Variants in MED19 observed in about 807,000 individuals in gnomAD.
MED19 encodes mediator complex subunit 19.
Under a neutral mutation model 19.9 loss-of-function variants are expected in MED19, and 4 were observed. The observed-to-expected ratio is 0.20, with a 90% CI of 0.10 to 0.46. The LOEUF (loss-of-function observed/expected upper bound fraction) is 0.46. Among genes scored for constraint, MED19 ranks in the 20% least tolerant of loss-of-function variants. MED19 has a pLI of 0.99. For missense variants in MED19, 303 were observed against 318.7 expected (o/e 0.95, Z 0.38); for synonymous variants, 139 against 119.6 (o/e 1.16, Z -1.06).
intron 1 of MED19, among the ~76,000 whole-genome samples, chr11:57,708,003 T>C (rs1454720009): frequency 4.6e-5 from 7 of 151,904 alleles, no homozygotes; most frequent in Non-Finnish European, 1.0e-4. Flanking sequence ...AGGCTAATTT[T>C]TGTATTTTTT....
exon 1 of MED19, chr11:57,712,020 CAGG>C (rs1445951182): frequency 1.3e-6 from 2 of 1,534,980 alleles, no homozygotes; most frequent in Non-Finnish European, 8.8e-7. Context: ...TTGTCCGCGC[CAGG>C]AGGAGCCGTG....
At chr11:57,706,002 T>TTC (rs1565203872) in intron 1 of MED19, among the ~76,000 whole-genome samples, 1 of 152,058 alleles carries the variant, frequency 6.6e-6, no homozygotes, top group Non-Finnish European at 1.5e-5. Flanking sequence ...GGACTTTTTT[T>TTC]TTTTTTTACT....
At chr11:57,703,831 C>T in exon 5 of MED19, 1 of 619,508 alleles carries the variant, frequency 1.6e-6, no homozygotes, top group Non-Finnish European at 2.5e-6. Flanking sequence ...AAGAGATGTC[C>T]ATGAGAAAAC....
chr11:57,705,662 A>C (rs1203512570), intron 1 of MED19, among the ~76,000 whole-genome samples: 1 of 151,982 alleles, frequency 6.6e-6, no homozygotes, highest in Admixed American at 6.6e-5. Context: ...AAAAAAAAAA[A>C]AAAAAACAGC....
intron 3 of MED19, 45 bp downstream of exon 3, chr11:57,704,674 T>TTA (rs1565203315): frequency 7.4e-7 from 1 of 1,357,456 alleles, no homozygotes; most frequent in East Asian, 2.8e-5. Flanking sequence ...GTCAGGTTTT[T>TTA]TTTTTTTTTT....
At chr11:57,711,831 C>CACTGTTAG in intron 1 of MED19, 132 bp downstream of exon 1, 1 of 1,005,304 alleles carries the variant, frequency 9.9e-7, no homozygotes, top group Non-Finnish European at 1.3e-6. Flanking sequence ...ACAGCGCTTC[C>CACTGTTAG]GACTTAGGGC....
At chr11:57,703,720 A>T in exon 5 of MED19, 1 of 273,836 alleles carries the variant, frequency 3.7e-6, no homozygotes, top group Non-Finnish European at 6.8e-6. Flanking sequence ...CCAGTTTGAT[A>T]AATGTAATTT....
chr11:57,711,488 G>A (rs1382041691), intron 1 of MED19, among the ~76,000 whole-genome samples: 2 of 152,152 alleles, frequency 1.3e-5, no homozygotes, highest in Non-Finnish European at 2.9e-5. Flanking sequence ...CGAGTAGCTG[G>A]AATTAAAGGT....
At chr11:57,704,179 C>G in intron 4 of MED19, 73 bp from the exon 5 acceptor site, 1 of 1,529,464 alleles carries the variant, frequency 6.5e-7, no homozygotes, top group South Asian at 1.2e-5. Context: ...ACAGGAGAAA[C>G]CTGCAACCTG....
Position 57,707,847 on chromosome 11 carries a change from T to A in MED19, c.218-2618A>T, listed in dbSNP as rs1240712191. 3.3e-5 allele frequency among the ~76,000 whole-genome samples: 5 copies of A among 152,214 alleles called. No individual in the cohort carries two copies. In the East Asian group the frequency reaches 9.6e-4, roughly 29 times the overall value. On this transcript the variant is annotated intron_variant, in intron 1 of 4. Transcript: ENST00000431606. ...AAAGATTACTTTTTATATTTATTTATTTTTTGAGACAGTCTCGCTCTGTCA... is the reference window on the plus strand; with the variant it reads ...AAAGATTACTTTTTATATTTATTTAATTTTTGAGACAGTCTCGCTCTGTCA...
intron 1 of MED19, among the ~76,000 whole-genome samples, chr11:57,707,197 CAAA>C (rs754457524): frequency 5.2e-5 from 3 of 57,872 alleles, no homozygotes; most frequent in Non-Finnish European, 7.4e-5. Flanking sequence ...GATTCCATCT[CAAA>C]AAAAAAAAAA....
At chr11:57,711,921 C>CT (rs781022570) in intron 1 of MED19, 42 bp downstream of exon 1, 4 of 1,400,506 alleles carry the variant, frequency 2.9e-6, no homozygotes, top group Non-Finnish European at 3.7e-6. Context: ...CACCTCCTCT[C>CT]TAAGATTTGA....
chr11:57,712,182 T>A (rs868099045), exon 1 of MED19: 3 of 1,519,758 alleles, frequency 2.0e-6, no homozygotes, highest in Admixed American at 2.2e-5. Flanking sequence ...TTCTCCATCG[T>A]ACCCTCCGCC....
intron 1 of MED19, among the ~76,000 whole-genome samples, chr11:57,710,773 G>A (rs2135420214): frequency 6.6e-6 from 1 of 152,096 alleles, no homozygotes; most frequent in East Asian, 1.9e-4. Context: ...TTGGTTCACT[G>A]CAGCCTCGAC....
At chr11:57,708,659 A>T (rs372681785) in intron 1 of MED19, among the ~76,000 whole-genome samples, 1 of 152,200 alleles carries the variant, frequency 6.6e-6, no homozygotes, top group African/African-American at 2.4e-5. Flanking sequence ...TATAGTCACT[A>T]TCCTTAAACC....
chr11:57,711,117 C>T (rs1425130679), intron 1 of MED19, among the ~76,000 whole-genome samples: 3 of 152,248 alleles, frequency 2.0e-5, no homozygotes, highest in African/African-American at 7.2e-5. Flanking sequence ...GTCTTGTTCA[C>T]AACTGTCTCC....
At chr11:57,706,240 T>G (rs562092093) in intron 1 of MED19, among the ~76,000 whole-genome samples, 17 of 152,188 alleles carry the variant, frequency 1.1e-4, no homozygotes, top group South Asian at 2.1e-4. Context: ...CTCCGCCTCC[T>G]AGGTTCAAGT....
chr11:57,706,231 T>G (rs1022890959), intron 1 of MED19, among the ~76,000 whole-genome samples: 1 of 152,048 alleles, frequency 6.6e-6, no homozygotes, highest in Non-Finnish European at 1.5e-5. Context: ...CACTGCAACC[T>G]CCGCCTCCTA....
intron 1 of MED19, among the ~76,000 whole-genome samples, chr11:57,710,464 C>T (rs1435912515): frequency 6.6e-6 from 1 of 152,060 alleles, no homozygotes; most frequent in Non-Finnish European, 1.5e-5. Flanking sequence ...CATCTCTCTC[C>T]CTAACACTCT....
Sources: allele counts gnomAD v4.1 joint callset (sites outside exome capture counted in the v4.1 genomes callset), GRCh38; gene constraint gnomAD v4.1.1; transcripts MANE v1.5; gene names NCBI Gene and HGNC (gene_info 2026-07-23, HGNC 2026-07-21).